The following KCNH5 variants were observed in gnomAD, a reference collection of about 807,000 sequenced individuals.
KCNH5 encodes voltage-gated delayed rectifier potassium channel KCNH5.
KCNH5 carries 46 observed loss-of-function variants against 96.1 expected under a neutral mutation model. The ratio of observed to expected loss-of-function variants is 0.48; its 90% CI spans 0.38 to 0.61. The LOEUF is 0.61. Ranked by LOEUF, KCNH5 falls within the 20% of genes least tolerant of loss-of-function variation. The pLI, the probability that KCNH5 is intolerant of heterozygous loss-of-function variation, is 0.00. For missense variants in KCNH5, 907 were observed against 1,225.8 expected, an observed-to-expected ratio of 0.74 and a Z score of 3.88; for synonymous variants, 439 against 449.8, an observed-to-expected ratio of 0.98 and a Z score of 0.30.
At chr14:62,776,198 C>T (rs1360415362) in intron 10 of KCNH5, among the ~76,000 whole-genome samples, 11 of 151,754 alleles carry the variant, frequency 7.2e-5, no homozygotes, top group African/African-American at 2.2e-4. Context: ...ACCCAGGAGG[C>T]GGAGGTTGCA....
chr14:62,808,357 G>A (rs1290888968), intron 8 of KCNH5, among the ~76,000 whole-genome samples: 3 of 152,028 alleles, frequency 2.0e-5, no homozygotes, highest in Non-Finnish European at 4.4e-5. Flanking sequence ...AGTTAAAGAG[G>A]TATTATTCAG....
At chr14:62,931,953 T>C (rs1400909310) in intron 7 of KCNH5, among the ~76,000 whole-genome samples, 1 of 152,138 alleles carries the variant, frequency 6.6e-6, no homozygotes, top group East Asian at 1.9e-4. Context: ...CCATTCAGCT[T>C]CCAGAGAGAT....
intron 10 of KCNH5, among the ~76,000 whole-genome samples, chr14:62,711,419 G>A (rs1884565088): frequency 6.6e-6 from 1 of 152,116 alleles, no homozygotes; most frequent in Non-Finnish European, 1.5e-5. Context: ...AAAGTAACTG[G>A]GAAAGAGAAA....
chr14:62,732,202 G>A (rs1156523160), intron 10 of KCNH5, among the ~76,000 whole-genome samples: 1 of 152,134 alleles, frequency 6.6e-6, no homozygotes, highest in Non-Finnish European at 1.5e-5. Flanking sequence ...CTGGGGCAAA[G>A]CAATCAGCTC....
intron 6 of KCNH5, among the ~76,000 whole-genome samples, chr14:62,969,210 T>C (rs774209461): frequency 5.9e-5 from 9 of 152,128 alleles, no homozygotes; most frequent in Non-Finnish European, 1.0e-4. Flanking sequence ...ATTTGAACTA[T>C]ACGAAAATGA....
chr14:62,985,978 C>T (rs1438505801), intron 5 of KCNH5, among the ~76,000 whole-genome samples: 1 of 152,170 alleles, frequency 6.6e-6, no homozygotes, highest in Non-Finnish European at 1.5e-5. Context: ...ATAGAATTGT[C>T]CTGGACTCAA....
intron 8 of KCNH5, among the ~76,000 whole-genome samples, chr14:62,844,130 C>CAT (rs1887644853): frequency 6.6e-6 from 1 of 151,830 alleles, no homozygotes; most frequent in Non-Finnish European, 1.5e-5. Flanking sequence ...TGGGACATTT[C>CAT]ATATAATAGC....
At chr14:62,729,720 T>C (rs994268898) in intron 10 of KCNH5, among the ~76,000 whole-genome samples, 1 of 152,194 alleles carries the variant, frequency 6.6e-6, no homozygotes, top group African/African-American at 2.4e-5. Flanking sequence ...TTGCCTCCCT[T>C]AGAGACAGGA....
chr14:62,805,959 C>A (rs759596540), intron 8 of KCNH5, among the ~76,000 whole-genome samples: 1 of 152,100 alleles, frequency 6.6e-6, no homozygotes, highest in Non-Finnish European at 1.5e-5. Context: ...GCTGCATTTC[C>A]AGACAGTTAA....
chr14:62,823,768 A>C (rs1196429886), intron 8 of KCNH5, among the ~76,000 whole-genome samples: 1 of 152,086 alleles, frequency 6.6e-6, no homozygotes, highest in Non-Finnish European at 1.5e-5. Flanking sequence ...ATTGGCATTC[A>C]TCATTATCTA....
chr14:62,851,934 A>T (rs1388473983), intron 7 of KCNH5, among the ~76,000 whole-genome samples: 1 of 152,162 alleles, frequency 6.6e-6, no homozygotes, highest in African/African-American at 2.4e-5. Context: ...CTGCTCATAT[A>T]AAAGTTTAAG....
chr14:62,943,160 A>C (rs1454849509), intron 7 of KCNH5, among the ~76,000 whole-genome samples: 1 of 152,160 alleles, frequency 6.6e-6, no homozygotes, highest in Non-Finnish European at 1.5e-5. Flanking sequence ...CTTTTAGAAA[A>C]TTATAATGAA....
chr14:62,940,568 T>G (rs962770366), intron 7 of KCNH5, among the ~76,000 whole-genome samples: 1 of 152,222 alleles, frequency 6.6e-6, no homozygotes, highest in Admixed American at 6.5e-5. Flanking sequence ...TCTTGGTTCT[T>G]TCATTTCTTT....
intron 7 of KCNH5, among the ~76,000 whole-genome samples, chr14:62,876,263 G>C (rs1263842407): frequency 6.6e-6 from 1 of 152,198 alleles, no homozygotes; most frequent in South Asian, 2.1e-4. Flanking sequence ...ATATTTAATA[G>C]TGAAAGACTT....
At chr14:62,879,964 C>T (rs891923158) in intron 7 of KCNH5, among the ~76,000 whole-genome samples, 1 of 152,076 alleles carries the variant, frequency 6.6e-6, no homozygotes, top group Non-Finnish European at 1.5e-5. Context: ...TACATAAGAA[C>T]ATTTTTATTA....
At chr14:62,879,640 A>G (rs955811004) in intron 7 of KCNH5, among the ~76,000 whole-genome samples, 1 of 152,148 alleles carries the variant, frequency 6.6e-6, no homozygotes, top group African/African-American at 2.4e-5. Flanking sequence ...CAATTTTTAT[A>G]TTACTATCTG....
chr14:62,946,378 T>A (rs1296649900), intron 7 of KCNH5, among the ~76,000 whole-genome samples: 2 of 152,186 alleles, frequency 1.3e-5, no homozygotes, highest in Non-Finnish European at 2.9e-5. Flanking sequence ...TGGCAATTTC[T>A]TTAAAAATTG....
At chr14:62,944,454 G>A (rs1007726931) in intron 7 of KCNH5, among the ~76,000 whole-genome samples, 1 of 151,950 alleles carries the variant, frequency 6.6e-6, no homozygotes, top group African/African-American at 2.4e-5. Context: ...GAACCTTTCT[G>A]TTTTCTACCT....
At chr14:62,967,973 ATCC>A (rs1255937347) in intron 6 of KCNH5, among the ~76,000 whole-genome samples, 2 of 152,202 alleles carry the variant, frequency 1.3e-5, no homozygotes, top group African/African-American at 4.8e-5. Flanking sequence ...GCTCAATGCT[ATCC>A]TCATTGCTTG....
Sources: allele counts gnomAD v4.1 joint callset (sites outside exome capture counted in the v4.1 genomes callset), GRCh38; gene constraint gnomAD v4.1.1; transcripts MANE v1.5; gene names NCBI Gene and HGNC (gene_info 2026-07-23, HGNC 2026-07-21).